TMTC1: variants seen among roughly 807,000 people sequenced by gnomAD.
TMTC1 encodes the protein protein O-mannosyl-transferase TMTC1.
TMTC1 carries 73 observed loss-of-function variants against 104.8 expected under a neutral mutation model. The ratio of observed to expected loss-of-function variants is 0.70; its 90% confidence interval spans 0.58 to 0.85. The LOEUF is 0.85. TMTC1 is among the 40% of genes least tolerant of loss of function. TMTC1 has a pLI of 0.00. For synonymous variants in TMTC1, 434 were observed against 428.7 expected, an observed-to-expected ratio of 1.01 and a Z score of -0.15; for missense variants, 1,035 against 1,096.1, an observed-to-expected ratio of 0.94 and a Z score of 0.79.
chr12:29,663,962 C>T (rs1036757886), intron 5 of TMTC1, among the ~76,000 whole-genome samples: 45 of 152,076 alleles, frequency 3.0e-4, no homozygotes, highest in Admixed American at 7.2e-4. Context: ...AATGTAGCGG[C>T]GGATCACGAG....
At chr12:29,600,008 A>ATATATATATATTTT (rs59108744) in intron 7 of TMTC1, among the ~76,000 whole-genome samples, 2 of 118,686 alleles carry the variant, frequency 1.7e-5, no homozygotes, top group African/African-American at 7.7e-5. Context: ...ATATATATAT[A>ATATATATATATTTT]TTTTTTTTTT....
intron 11 of TMTC1, chr12:29,533,083 C>T (rs1232112611): frequency 6.6e-6 from 1 of 152,150 alleles, no homozygotes; most frequent in Non-Finnish European, 1.5e-5. Flanking sequence ...GTGTTTTCCA[C>T]AAGGTTTTCT....
intron 11 of TMTC1, among the ~76,000 whole-genome samples, chr12:29,523,872 T>C (rs1262979619): frequency 1.3e-5 from 2 of 152,122 alleles, no homozygotes; most frequent in Non-Finnish European, 1.5e-5. Flanking sequence ...AGTGACTCTA[T>C]TTTGGTTTGG....
At chr12:29,675,616 ACACACACACACACACC>A (rs1429302132) in intron 5 of TMTC1, among the ~76,000 whole-genome samples, 1 of 75,870 alleles carries the variant, frequency 1.3e-5, no homozygotes, top group African/African-American at 7.3e-5. Flanking sequence ...ACACACACAC[ACACACACACACACACC>A]CTCCATGACT....
chr12:29,625,589 TCTG>T (rs1565719212), intron 6 of TMTC1, among the ~76,000 whole-genome samples: 2 of 152,234 alleles, frequency 1.3e-5, no homozygotes, highest in Non-Finnish European at 2.9e-5. Flanking sequence ...GCTGGAATGT[TCTG>T]CTAAGTTTTT....
intron 5 of TMTC1, among the ~76,000 whole-genome samples, chr12:29,691,235 G>A (rs1941257084): frequency 6.6e-6 from 1 of 152,102 alleles, no homozygotes; most frequent in African/African-American, 2.4e-5. Flanking sequence ...TGCACTTGAT[G>A]CACCAGCTGA....
At chr12:29,765,849 C>T (rs1943451617) in intron 2 of TMTC1, among the ~76,000 whole-genome samples, 1 of 152,180 alleles carries the variant, frequency 6.6e-6, no homozygotes, top group South Asian at 2.1e-4. Context: ...AGACCTGTTA[C>T]AGCAATGACT....
At chr12:29,712,006 CAAAAAAAAAAAAAA>C (rs34419655) in intron 5 of TMTC1, among the ~76,000 whole-genome samples, 1 of 43,904 alleles carries the variant, frequency 2.3e-5, no homozygotes, top group Non-Finnish European at 3.8e-5. Context: ...GACTCCATCT[CAAAAAAAAAAAAAA>C]AAAAAAAAAA....
intron 7 of TMTC1, among the ~76,000 whole-genome samples, chr12:29,601,019 G>A (rs75618355): frequency 0.047 from 7,175 of 152,266 alleles, 583 homozygotes; most frequent in African/African-American, 0.16. Flanking sequence ...CAAAACCGAG[G>A]TTGGTTCCGG....
At chr12:29,660,554 G>A (rs1444196533) in intron 5 of TMTC1, among the ~76,000 whole-genome samples, 1 of 152,052 alleles carries the variant, frequency 6.6e-6, no homozygotes, top group East Asian at 1.9e-4. Context: ...ATCTTGAAAG[G>A]GACTCATAGA....
In TMTC1 at chr12:29,783,753, G is replaced by GCGCCGC. The variant is rs1227801384; in HGVS notation, c.-8_-3dup. On this transcript the variant is annotated 5_prime_UTR_variant, in exon 1 of 18. Coordinates refer to ENST00000539277, the MANE Select transcript of TMTC1 (RefSeq NM_001193451.2). This position sits in a 1 kb window ranked among gnomAD's most constrained non-coding sequence, Gnocchi z 4.7. ...TCGGGCAGAGGTGGTCACCACCATC[G>GCGCCGC]CGCCGCCGCCGCCGCTGCTGCCCTG... The GCGCCGC allele has an allele frequency of 8.6e-7, 1 of 1,162,742 alleles. No individual in the cohort carries two copies. Among genetic ancestry groups the GCGCCGC allele is most frequent in the Non-Finnish European group, 1.1e-6 (1 of 946,656 alleles). 72.0% of individuals were successfully genotyped at this position (1,162,742 alleles called of 1,614,324 possible).
At chr12:29,687,558 C>A (rs563238186) in intron 5 of TMTC1, among the ~76,000 whole-genome samples, 1 of 147,672 alleles carries the variant, frequency 6.8e-6, no homozygotes, top group African/African-American at 2.5e-5. Context: ...CGGACACAGT[C>A]TGAATTGATC....
At chr12:29,778,234 A>G (rs1393011914) in intron 1 of TMTC1, among the ~76,000 whole-genome samples, 2 of 152,220 alleles carry the variant, frequency 1.3e-5, no homozygotes, top group Non-Finnish European at 2.9e-5. Context: ...CAGGATTTTA[A>G]AGTCCTTTCA....
At chr12:29,725,070 G>C (rs1942349229) in intron 5 of TMTC1, among the ~76,000 whole-genome samples, 1 of 135,914 alleles carries the variant, frequency 7.4e-6, no homozygotes, top group African/African-American at 2.8e-5. Context: ...GCTCAGGCTG[G>C]AGTGCAGTGG....
At chr12:29,643,608 AT>A (rs1939005890) in intron 5 of TMTC1, among the ~76,000 whole-genome samples, 1 of 62,474 alleles carries the variant, frequency 1.6e-5, no homozygotes, top group Non-Finnish European at 2.6e-5. Context: ...TATATATTAT[AT>A]ATAATATATA....
chr12:29,544,143 T>C (rs569403265), intron 10 of TMTC1, among the ~76,000 whole-genome samples: 1 of 150,826 alleles, frequency 6.6e-6, no homozygotes, highest in South Asian at 2.1e-4. Context: ...CTCGGGAGGC[T>C]GAGGCAGGAG....
intron 5 of TMTC1, among the ~76,000 whole-genome samples, chr12:29,716,130 T>C (rs1942074378): frequency 6.6e-6 from 1 of 152,014 alleles, no homozygotes; most frequent in African/African-American, 2.4e-5. Context: ...ACCAACCTCC[T>C]GCCTTAGCCT....
At chr12:29,582,139 A>G (rs1945999208) in intron 8 of TMTC1, among the ~76,000 whole-genome samples, 1 of 152,236 alleles carries the variant, frequency 6.6e-6, no homozygotes, top group South Asian at 2.1e-4. Context: ...TTTGTTTTAT[A>G]TTTTAAAAAA....
chr12:29,735,868 G>C (rs1942658808), intron 5 of TMTC1, among the ~76,000 whole-genome samples: 1 of 152,152 alleles, frequency 6.6e-6, no homozygotes, highest in African/African-American at 2.4e-5. Context: ...GAACAAAAAA[G>C]ACAAATCTCT....
Sources: gnomAD v4.1 joint callset for allele counts (sites outside exome capture counted in the v4.1 genomes callset) on GRCh38, gnomAD v4.1.1 for gene constraint, Gnocchi (gnomAD v3.1) non-coding constraint, MANE v1.5 for transcripts, NCBI Gene and HGNC (gene_info 2026-07-23, HGNC 2026-07-21) for gene names.